Variants in TMEM132D observed in about 807,000 individuals in gnomAD.
TMEM132D encodes the protein transmembrane protein 132D, also known as mature OL transmembrane protein.
A neutral mutation model predicts 62.3 loss-of-function variants in TMEM132D; 21 were observed. The ratio of observed to expected loss-of-function variants is 0.34; its 90% CI spans 0.24 to 0.49. The LOEUF (loss-of-function observed/expected upper bound fraction) is 0.49. Among genes scored for constraint, TMEM132D ranks in the 20% least tolerant of loss-of-function variants. The probability of loss-of-function intolerance (pLI) is 0.99; values close to 1 mark genes in which losing one functional copy is unlikely to be tolerated. For missense variants in TMEM132D, 1,346 were observed against 1,402.8 expected, an observed-to-expected ratio of 0.96 and a Z score of 0.65; for synonymous variants, 621 against 575.6, an observed-to-expected ratio of 1.08 and a Z score of -1.13.
chr12:129,505,272 TCA>T (rs1289181813), intron 3 of TMEM132D, among the ~76,000 whole-genome samples: 3 of 151,544 alleles, frequency 2.0e-5, no homozygotes, highest in Non-Finnish European at 4.4e-5. Context: ...AGACGGAGTC[TCA>T]TTCTGTCGCC....
intron 1 of TMEM132D, among the ~76,000 whole-genome samples, chr12:129,874,613 G>A (rs1416678031): frequency 6.8e-6 from 1 of 146,098 alleles, no homozygotes; most frequent in Non-Finnish European, 1.5e-5. Flanking sequence ...AAAAAACGGA[G>A]GTCAAAAAGC....
intron 3 of TMEM132D, 66 bp downstream of exon 3, chr12:129,530,993 A>AG (rs1450318533): frequency 5.6e-5 from 82 of 1,475,114 alleles, no homozygotes. Flanking sequence ...AATCTAGGAA[A>AG]AAAAAAAAAA....
chr12:129,162,797 C>T (rs1359393853), intron 5 of TMEM132D, among the ~76,000 whole-genome samples: 1 of 152,238 alleles, frequency 6.6e-6, no homozygotes, highest in Non-Finnish European at 1.5e-5. Context: ...TCCTGTACGG[C>T]TTGCATAACT....
chr12:129,664,354 G>A (rs1201833675), intron 2 of TMEM132D, among the ~76,000 whole-genome samples: 1 of 151,596 alleles, frequency 6.6e-6, no homozygotes, highest in African/African-American at 2.4e-5. Flanking sequence ...AAAAGAATGT[G>A]CTAATGGAGG....
At chr12:129,523,581 T>C (rs1297976961) in intron 3 of TMEM132D, among the ~76,000 whole-genome samples, 3 of 152,184 alleles carry the variant, frequency 2.0e-5, no homozygotes, top group Non-Finnish European at 2.9e-5. Flanking sequence ...TCAGTGCCGT[T>C]ACCCACGAAA....
intron 4 of TMEM132D, chr12:129,209,864 G>A: frequency 1.5e-6 from 1 of 655,324 alleles, no homozygotes; most frequent in Non-Finnish European, 2.5e-6. Flanking sequence ...ATTTCCACAG[G>A]GCAACTATGA....
intron 2 of TMEM132D, among the ~76,000 whole-genome samples, chr12:129,613,347 G>A (rs1236537130): frequency 6.6e-6 from 1 of 152,174 alleles, no homozygotes; most frequent in Non-Finnish European, 1.5e-5. Context: ...AGTTGATGGA[G>A]CCGCTCCTCT....
chr12:129,127,213 C>T (rs935400105), intron 5 of TMEM132D, among the ~76,000 whole-genome samples: 5 of 152,138 alleles, frequency 3.3e-5, no homozygotes, highest in African/African-American at 1.2e-4. Context: ...TTTTTTCAAT[C>T]ACTCATAGCC....
chr12:129,580,444 G>C (rs137973923), intron 2 of TMEM132D, among the ~76,000 whole-genome samples: 1 of 152,152 alleles, frequency 6.6e-6, no homozygotes, highest in South Asian at 2.1e-4. Flanking sequence ...GTTGGAGGAA[G>C]GTTTGGTGGA....
intron 3 of TMEM132D, among the ~76,000 whole-genome samples, chr12:129,417,159 C>T (rs55968175): frequency 4.1e-4 from 62 of 152,264 alleles, no homozygotes; most frequent in Non-Finnish European, 7.2e-4. Flanking sequence ...TAGAATTCGG[C>T]TGTGAATCCA....
chr12:129,563,885 C>T (rs554306651), intron 2 of TMEM132D, among the ~76,000 whole-genome samples: 59 of 152,176 alleles, frequency 3.9e-4, no homozygotes, highest in African/African-American at 9.4e-4. Context: ...GCTGACATGG[C>T]GGTACTGCAT....
In TMEM132D at chr12:129,875,788, C is replaced by T. The variant is rs151322463; in HGVS notation, c.79+27473G>A. Reference sequence around the variant, plus strand: ...CCGATTTTCGAGAGACAGCAGAAATCCAAATTTATCTTAATTTTCTTGATT... The same window carrying T: ...CCGATTTTCGAGAGACAGCAGAAATTCAAATTTATCTTAATTTTCTTGATT... On this transcript the variant is annotated intron_variant, in intron 1 of 8. Coordinates refer to ENST00000422113, the MANE Select transcript of TMEM132D (RefSeq NM_133448.3). Among the ~76,000 whole-genome samples, 385 of 152,236 alleles carry T rather than the reference C, an allele frequency of 2.5e-3. 9 individuals carry two copies. In the East Asian group the frequency reaches 0.064, roughly 25 times the overall value.
intron 1 of TMEM132D, among the ~76,000 whole-genome samples, chr12:129,832,271 G>C (rs1443929990): frequency 6.6e-6 from 1 of 151,456 alleles, no homozygotes; most frequent in African/African-American, 2.4e-5. Flanking sequence ...AGAGGAAAAA[G>C]GGGGAGGGAA....
intron 4 of TMEM132D, among the ~76,000 whole-genome samples, chr12:129,269,866 T>C (rs1880805343): frequency 6.6e-6 from 1 of 152,136 alleles, no homozygotes; most frequent in Non-Finnish European, 1.5e-5. Context: ...AGTAAAAACG[T>C]GGGAACAGGG....
chr12:129,435,906 T>G (rs779715019), intron 3 of TMEM132D, among the ~76,000 whole-genome samples: 10 of 152,190 alleles, frequency 6.6e-5, no homozygotes, highest in Non-Finnish European at 1.5e-4. Context: ...AGCCAAAAAC[T>G]ACATTTTCCA....
At chr12:129,654,625 C>CT (rs1262592534) in intron 2 of TMEM132D, among the ~76,000 whole-genome samples, 14 of 152,184 alleles carry the variant, frequency 9.2e-5, no homozygotes, top group Non-Finnish European at 4.4e-5. Flanking sequence ...AAAATTCATG[C>CT]TTTGTGACGC....
chr12:129,633,849 C>A (rs538931586), intron 2 of TMEM132D, among the ~76,000 whole-genome samples: 23 of 152,114 alleles, frequency 1.5e-4, no homozygotes, highest in Admixed American at 2.6e-4. Flanking sequence ...GGATTTGGAG[C>A]CTTTTGCTCC....
At chr12:129,092,041 A>T (rs1338230530) in intron 5 of TMEM132D, among the ~76,000 whole-genome samples, 1 of 152,234 alleles carries the variant, frequency 6.6e-6, no homozygotes, top group Non-Finnish European at 1.5e-5. Context: ...TAATTTATTA[A>T]CTACCACATT....
intron 5 of TMEM132D, among the ~76,000 whole-genome samples, chr12:129,180,909 G>T (rs375611515): frequency 6.6e-6 from 1 of 152,128 alleles, no homozygotes; most frequent in African/African-American, 2.4e-5. Context: ...CTACAGAGAG[G>T]AGTCTAGAAT....
Sources: allele counts gnomAD v4.1 joint callset (sites outside exome capture counted in the v4.1 genomes callset), GRCh38; gene constraint gnomAD v4.1.1; transcripts MANE v1.5; gene names NCBI Gene and HGNC (gene_info 2026-07-23, HGNC 2026-07-21).